Variants in COL5A2 observed in about 807,000 individuals in gnomAD.
The protein encoded by COL5A2 is collagen alpha-2(V) chain.
In COL5A2, 23 loss-of-function variants were observed where a neutral mutation model predicts 208.2. The ratio of observed to expected loss-of-function variants is 0.11; its 90% confidence interval spans 0.08 to 0.16. The LOEUF is 0.16. COL5A2 is among the 10% of genes least tolerant of loss of function. The pLI is 1.00. For synonymous variants in COL5A2, 625 were observed against 628.5 expected (o/e 0.99, Z 0.08); for missense variants, 1,590 against 1,956.4 (o/e 0.81, Z 3.53).
the COL5A2 span, among the ~76,000 whole-genome samples, chr2:189,426,402 C>T: frequency 0.013 from 1,951 of 152,304 alleles, 52 homozygotes; most frequent in African/African-American, 0.044. Context: ...AATGCAACCA[C>T]TTGTCTCTTA....
At chr2:189,175,598 C>T (rs527357684) in intron 1 of COL5A2, among the ~76,000 whole-genome samples, 1 of 146,640 alleles carries the variant, frequency 6.8e-6, no homozygotes, top group Non-Finnish European at 1.5e-5. Context: ...GACTGGAGTG[C>T]AGTGGCACGG....
chr2:189,182,821 T>C (rs1392678211), upstream of COL5A2, among the ~76,000 whole-genome samples: 1 of 152,192 alleles, frequency 6.6e-6, no homozygotes, highest in Non-Finnish European at 1.5e-5. Flanking sequence ...CTCTGGCTTA[T>C]AAGAAAAATT....
At chr2:189,040,030 A>C (rs1333548065) in intron 50 of COL5A2, among the ~76,000 whole-genome samples, 1 of 152,214 alleles carries the variant, frequency 6.6e-6, no homozygotes, top group Non-Finnish European at 1.5e-5. Flanking sequence ...TACCCACAGG[A>C]AACACCCACA....
At chr2:189,221,255 G>A (rs1442909902) in intron 1 of COL5A2, among the ~76,000 whole-genome samples, 2 of 152,154 alleles carry the variant, frequency 1.3e-5, no homozygotes, top group African/African-American at 2.4e-5. Context: ...TTGAAGTTCA[G>A]CTTTTGTTCA....
chr2:189,347,644 T>C, the COL5A2 span, among the ~76,000 whole-genome samples: 12 of 152,162 alleles, frequency 7.9e-5, no homozygotes, highest in African/African-American at 2.9e-4. Flanking sequence ...TCTGCTGCCA[T>C]GGACTTATTT....
the COL5A2 span, among the ~76,000 whole-genome samples, chr2:189,271,349 C>T: frequency 3.9e-4 from 59 of 151,984 alleles, no homozygotes; most frequent in African/African-American, 1.3e-3. Flanking sequence ...TCAGAAATAA[C>T]GCCACACATC....
the COL5A2 span, among the ~76,000 whole-genome samples, chr2:189,438,599 A>G: frequency 1.3e-5 from 2 of 152,316 alleles, no homozygotes; most frequent in Non-Finnish European, 2.9e-5. Flanking sequence ...ATATGATACC[A>G]TTTATACATG....
the COL5A2 span, among the ~76,000 whole-genome samples, chr2:189,436,389 C>T: frequency 1.6e-4 from 24 of 151,840 alleles, no homozygotes; most frequent in East Asian, 3.9e-4. Flanking sequence ...GTGGGGGGAG[C>T]GGGGAGGTAT....
chr2:189,149,615 A>C (rs1215671597), intron 1 of COL5A2, among the ~76,000 whole-genome samples: 6 of 152,208 alleles, frequency 3.9e-5, no homozygotes, highest in Admixed American at 3.9e-4. Context: ...TATAAAATTA[A>C]ATTGAACTTG....
At position 189,034,234 on chromosome 2, in the gene COL5A2, A is replaced by C. The variant is rs776468665; in HGVS notation, c.4354-18T>G. The C allele has an allele frequency of 1.9e-6, 3 of 1,613,654 alleles. No homozygotes were observed. The South Asian group carries it at 3.3e-5, about 18-fold the overall frequency. ...TTCCGCTTCTGAAATTAAATGATGCAATGGGTTAAATGTACATACAATTTT... is the reference window on the plus strand; with the variant it reads ...TTCCGCTTCTGAAATTAAATGATGCCATGGGTTAAATGTACATACAATTTT... On this transcript the variant is annotated intron_variant, in intron 53 of 53. Coordinates refer to ENST00000374866, the MANE Select transcript of COL5A2 (RefSeq NM_000393.5).
intron 1 of COL5A2, among the ~76,000 whole-genome samples, chr2:189,191,722 T>G (rs1688933449): frequency 6.6e-6 from 1 of 152,188 alleles, no homozygotes; most frequent in Non-Finnish European, 1.5e-5. Flanking sequence ...TTTATTGGTC[T>G]ATCCAGTATT....
intron 3 of COL5A2, among the ~76,000 whole-genome samples, chr2:189,100,775 C>T (rs1687032142): frequency 6.6e-6 from 1 of 151,724 alleles, no homozygotes; most frequent in African/African-American, 2.4e-5. Context: ...AAATCAAAAA[C>T]AACATAAGAA....
At chr2:189,311,495 C>A in the COL5A2 span, 1 of 1,074,538 alleles carries the variant, frequency 9.3e-7, no homozygotes, top group Non-Finnish European at 1.4e-6. Context: ...TCCCTCTGCC[C>A]GAGTCTGTGC....
At position 189,100,123 on chromosome 2, in the gene COL5A2, G is replaced by C. The variant is rs1224192066; in HGVS notation, c.353C>G (p.Pro118Arg). 6.2e-7 allele frequency: 1 copy of C among 1,610,910 alleles called. No individual in the cohort carries two copies. Among genetic ancestry groups the C allele is most frequent in the African/African-American group, 1.3e-5 (1 of 74,830 alleles). Reference sequence around the variant, plus strand: ...TATACTTACAACAGGCACTAATCCTGGTTCTCCCTTTTGTCCCTGTGACAT... The same window carrying C: ...TATACTTACAACAGGCACTAATCCTCGTTCTCCCTTTTGTCCCTGTGACAT... ...GRGRKGQKGE[P>R]GLVPVVTGIR... Residue 118 changes from proline (P) to arginine (R), a missense_variant, in exon 4 of 54, where the codon CCA (proline) becomes CGA (arginine). By Grantham distance (103) the Pro-to-Arg change is moderately radical. Coordinates refer to ENST00000374866, the MANE Select transcript of COL5A2 (RefSeq NM_000393.5).
chr2:189,405,752 C>A, the COL5A2 span, among the ~76,000 whole-genome samples: 6 of 152,154 alleles, frequency 3.9e-5, no homozygotes, highest in Non-Finnish European at 8.8e-5. Context: ...GTGGAAAATG[C>A]ATGTGAGACC....
the COL5A2 span, among the ~76,000 whole-genome samples, chr2:189,375,771 T>C: frequency 6.6e-6 from 1 of 152,210 alleles, no homozygotes; most frequent in African/African-American, 2.4e-5. Context: ...ACATCTGGAA[T>C]TCAGAAGAAA....
chr2:189,224,260 T>C (rs565870103), intron 1 of COL5A2, among the ~76,000 whole-genome samples: 21 of 152,184 alleles, frequency 1.4e-4, no homozygotes, highest in African/African-American at 4.8e-4. Context: ...CCCTGACTAA[T>C]CATGTAAAAA....
the COL5A2 span, among the ~76,000 whole-genome samples, chr2:189,279,529 T>TA: frequency 0.025 from 2,848 of 114,500 alleles, 44 homozygotes; most frequent in African/African-American, 0.052. Flanking sequence ...AGCATTTTTG[T>TA]AAAAAAAAAA....
At chr2:189,061,493 C>CT (rs111688859) in intron 30 of COL5A2, 69 bp downstream of exon 30, 2,278 of 1,131,642 alleles carry the variant, frequency 2.0e-3, no homozygotes, top group Middle Eastern at 4.4e-3. Context: ...CTGACCATAT[C>CT]TTTTTTTTTA....
Sources: gnomAD v4.1 joint callset for allele counts (sites outside exome capture counted in the v4.1 genomes callset) on GRCh38, gnomAD v4.1.1 for gene constraint, MANE v1.5 for transcripts, NCBI Gene and HGNC (gene_info 2026-07-23, HGNC 2026-07-21) for gene names.